The following SOX6 variants were observed in gnomAD, a reference collection of about 807,000 sequenced individuals.
SOX6 encodes the protein transcription factor SOX-6.
In SOX6, 11 loss-of-function variants were observed where a neutral mutation model predicts 97.8. The ratio of observed to expected loss-of-function variants is 0.11; its 90% confidence interval spans 0.07 to 0.19. SOX6 has a LOEUF of 0.19. SOX6 is among the 10% of genes least tolerant of loss of function. The probability of loss-of-function intolerance (pLI) is 1.00; values close to 1 mark genes in which losing one functional copy is unlikely to be tolerated. For missense variants in SOX6, 810 were observed against 1,039.5 expected (o/e 0.78, Z 3.04); for synonymous variants, 360 against 371.4 (o/e 0.97, Z 0.35).
At chr11:16,144,932 C>A (rs549007617) in intron 6 of SOX6, among the ~76,000 whole-genome samples, 2 of 152,328 alleles carry the variant, frequency 1.3e-5, no homozygotes, top group South Asian at 4.1e-4. Flanking sequence ...CAAGGAGGAG[C>A]TGGTACCATT....
intron 7 of SOX6, among the ~76,000 whole-genome samples, chr11:16,098,521 AG>A (rs1225342254): frequency 6.6e-6 from 1 of 151,872 alleles, no homozygotes; most frequent in Non-Finnish European, 1.5e-5. Flanking sequence ...CTAAGAACAC[AG>A]GCTGTGTGCA....
At chr11:16,107,393 A>C (rs1002461419) in intron 7 of SOX6, among the ~76,000 whole-genome samples, 1 of 143,190 alleles carries the variant, frequency 7.0e-6, no homozygotes, top group East Asian at 2.0e-4. Flanking sequence ...ATACATATAT[A>C]TGTATATATA....
At chr11:16,601,683 C>T (rs1365903697) in intron 4 of SOX6, among the ~76,000 whole-genome samples, 1 of 151,994 alleles carries the variant, frequency 6.6e-6, no homozygotes, top group Non-Finnish European at 1.5e-5. Flanking sequence ...ACCTACTATA[C>T]TAATTGAAAG....
chr11:15,980,343 C>T (rs1333939946), intron 15 of SOX6, among the ~76,000 whole-genome samples: 1 of 152,046 alleles, frequency 6.6e-6, no homozygotes, highest in African/African-American at 2.4e-5. Flanking sequence ...TGGAAGAGTT[C>T]AAGAACTTAG....
At chr11:16,533,763 G>A (rs1456764194) in intron 4 of SOX6, among the ~76,000 whole-genome samples, 1 of 151,834 alleles carries the variant, frequency 6.6e-6, no homozygotes, top group Non-Finnish European at 1.5e-5. Context: ...TATGTCATTT[G>A]GTGACAATAA....
At chr11:16,205,746 A>G (rs1275895092) in intron 4 of SOX6, among the ~76,000 whole-genome samples, 2 of 152,170 alleles carry the variant, frequency 1.3e-5, no homozygotes, top group African/African-American at 2.4e-5. Context: ...AAGAGCTATT[A>G]AAGTACATAA....
chr11:16,187,302 A>T (rs1851505431), intron 4 of SOX6, among the ~76,000 whole-genome samples: 1 of 152,164 alleles, frequency 6.6e-6, no homozygotes. Flanking sequence ...AAGATCAGAA[A>T]CTATAGATTA....
chr11:16,004,985 G>T (rs1280926985), intron 13 of SOX6, among the ~76,000 whole-genome samples: 1 of 151,942 alleles, frequency 6.6e-6, no homozygotes, highest in Admixed American at 6.6e-5. Flanking sequence ...ACAGTGACTG[G>T]AACCCAATAC....
At chr11:16,299,388 G>A (rs1442389770) in intron 3 of SOX6, among the ~76,000 whole-genome samples, 1 of 151,968 alleles carries the variant, frequency 6.6e-6, no homozygotes, top group Admixed American at 6.6e-5. Context: ...AAATTAGCTT[G>A]ATGAGGCTAA....
chr11:16,139,317 G>T (rs1026270029), intron 6 of SOX6, among the ~76,000 whole-genome samples: 1 of 152,084 alleles, frequency 6.6e-6, no homozygotes, highest in African/African-American at 2.4e-5. Context: ...TTTCTTGTCA[G>T]AATTCATTAT....
intron 3 of SOX6, among the ~76,000 whole-genome samples, chr11:16,698,842 G>A (rs1484420958): frequency 6.6e-6 from 1 of 152,182 alleles, no homozygotes; most frequent in African/African-American, 2.4e-5. Context: ...TCATTTATGG[G>A]AGAGGTTTGT....
intron 7 of SOX6, chr11:16,110,340 CAA>C (rs1049768011): frequency 1.0e-4 from 15 of 148,894 alleles, no homozygotes; most frequent in African/African-American, 3.7e-4. Flanking sequence ...CAAAGAAAGT[CAA>C]AATGAAGAAG....
At chr11:16,215,584 C>T (rs1434614578) in intron 4 of SOX6, among the ~76,000 whole-genome samples, 1 of 152,104 alleles carries the variant, frequency 6.6e-6, no homozygotes, top group Admixed American at 6.6e-5. Flanking sequence ...AGAGATGATT[C>T]ACTGTTGCGT....
At chr11:16,363,760 T>C (rs1857270003) in intron 1 of SOX6, among the ~76,000 whole-genome samples, 1 of 151,972 alleles carries the variant, frequency 6.6e-6, no homozygotes, top group African/African-American at 2.4e-5. Flanking sequence ...TTAGTTTTTC[T>C]CTAATTGGCA....
intron 4 of SOX6, among the ~76,000 whole-genome samples, chr11:16,521,466 C>A (rs551658323): frequency 7.0e-4 from 107 of 152,170 alleles, no homozygotes; most frequent in African/African-American, 2.4e-3. Flanking sequence ...ACATCTACAC[C>A]AAAAACCCAT....
chr11:16,022,003 T>G (rs111367635), intron 12 of SOX6, among the ~76,000 whole-genome samples: 1,669 of 152,242 alleles, frequency 0.011, 29 homozygotes, highest in African/African-American at 0.039. Flanking sequence ...GTATTTGTAC[T>G]GGGGTGAATT....
At chr11:16,692,680 G>A (rs1848025012) in intron 3 of SOX6, among the ~76,000 whole-genome samples, 1 of 152,118 alleles carries the variant, frequency 6.6e-6, no homozygotes, top group Admixed American at 6.5e-5. Flanking sequence ...TCCCCAAAAG[G>A]TGTTTTGGTG....
intron 4 of SOX6, among the ~76,000 whole-genome samples, chr11:16,536,168 A>G (rs1177772682): frequency 1.3e-5 from 2 of 152,250 alleles, no homozygotes; most frequent in African/African-American, 4.8e-5. Context: ...CTTAATAAAA[A>G]CAGAAGCTAG....
intron 6 of SOX6, among the ~76,000 whole-genome samples, chr11:16,159,813 T>C (rs1309282112): frequency 3.3e-5 from 5 of 152,142 alleles, no homozygotes; most frequent in South Asian, 2.1e-4. Context: ...ATCTACTTAA[T>C]GCAACAGAAC....
Sources: gnomAD v4.1 joint callset for allele counts (sites outside exome capture counted in the v4.1 genomes callset) on GRCh38, gnomAD v4.1.1 for gene constraint, MANE v1.5 for transcripts, NCBI Gene and HGNC (gene_info 2026-07-23, HGNC 2026-07-21) for gene names.